Variants in BTAF1 observed in about 807,000 individuals in gnomAD.
BTAF1 encodes B-TFIID TATA-box binding protein associated factor 1, also known as TATA-binding protein-associated factor 172.
In BTAF1, 38 loss-of-function variants were observed where a neutral mutation model predicts 227.1. The ratio of observed to expected loss-of-function variants is 0.17; its 90% confidence interval spans 0.13 to 0.22. The LOEUF is 0.22. Ranked by LOEUF, BTAF1 falls within the 10% of genes least tolerant of loss-of-function variation. The pLI is 1.00. For missense variants in BTAF1, 1,598 were observed against 2,204.0 expected (o/e 0.73, Z 5.51); for synonymous variants, 742 against 751.9 (o/e 0.99, Z 0.21).
At chr10:91,997,374 A>C (rs995026856) in intron 24 of BTAF1, among the ~76,000 whole-genome samples, 1 of 152,252 alleles carries the variant, frequency 6.6e-6, no homozygotes, top group Non-Finnish European at 1.5e-5. Context: ...GAAGAAAAAC[A>C]TAATTTTATA....
At chr10:91,996,296 T>C in intron 23 of BTAF1, 73 bp from the exon 24 acceptor site, 1 of 1,344,730 alleles carries the variant, frequency 7.4e-7, no homozygotes, top group Admixed American at 1.9e-5. Context: ...CTTTCCTGAG[T>C]ATGGGCTATT....
intron 25 of BTAF1, among the ~76,000 whole-genome samples, chr10:91,998,863 CA>C (rs1849311662): frequency 6.6e-6 from 1 of 151,832 alleles, no homozygotes; most frequent in Non-Finnish European, 1.5e-5. Context: ...TTAGCCTGAC[CA>C]ACTGAAAATA....
chr10:92,011,462 T>C, intron 30 of BTAF1, 47 bp downstream of exon 30: 1 of 980,854 alleles, frequency 1.0e-6, no homozygotes, highest in Non-Finnish European at 1.3e-6. Flanking sequence ...TTTTTATTTT[T>C]CATGTTTGCC....
At chr10:91,982,984 C>T (rs1224347587) in intron 18 of BTAF1, among the ~76,000 whole-genome samples, 1 of 152,174 alleles carries the variant, frequency 6.6e-6, no homozygotes, top group East Asian at 1.9e-4. Flanking sequence ...ACTAGTTATG[C>T]TCATACTTAA....
intron 20 of BTAF1, among the ~76,000 whole-genome samples, chr10:91,990,729 G>A (rs112353409): frequency 5.9e-5 from 9 of 151,956 alleles, no homozygotes; most frequent in African/African-American, 2.2e-4. Flanking sequence ...GGAGGCGGAG[G>A]TTGCGGTGAG....
At chr10:91,942,189 C>CAGA (rs1368353112) in intron 3 of BTAF1, among the ~76,000 whole-genome samples, 1 of 151,950 alleles carries the variant, frequency 6.6e-6, no homozygotes, top group Non-Finnish European at 1.5e-5. Context: ...GAGGCTGAGG[C>CAGA]AGAAGAAGTC....
At chr10:92,019,186 C>A (rs1242746919) in intron 34 of BTAF1, among the ~76,000 whole-genome samples, 2 of 152,162 alleles carry the variant, frequency 1.3e-5, no homozygotes, top group African/African-American at 4.8e-5. Flanking sequence ...CATTATCTTA[C>A]TGCTAAAATA....
At chr10:91,929,405 A>G (rs768373770) in intron 1 of BTAF1, among the ~76,000 whole-genome samples, 14 of 152,244 alleles carry the variant, frequency 9.2e-5, no homozygotes, top group Non-Finnish European at 1.3e-4. Flanking sequence ...TTTCTCACAT[A>G]TCTTTGCATT....
chr10:91,972,122 G>C (rs1352627407), intron 14 of BTAF1, among the ~76,000 whole-genome samples: 3 of 152,100 alleles, frequency 2.0e-5, no homozygotes, highest in South Asian at 4.1e-4. Flanking sequence ...AGAAGGATTT[G>C]GGGGACCATA....
chr10:91,966,244 G>C (rs984024606), intron 13 of BTAF1, among the ~76,000 whole-genome samples: 2 of 152,208 alleles, frequency 1.3e-5, no homozygotes, highest in African/African-American at 2.4e-5. Flanking sequence ...GTTGGGGTTA[G>C]CCATGGGGAA....
chr10:91,927,101 A>T (rs542246949), intron 1 of BTAF1, among the ~76,000 whole-genome samples: 2 of 150,704 alleles, frequency 1.3e-5, no homozygotes, highest in South Asian at 4.2e-4. Context: ...GCCCCATCTC[A>T]GGTATGGCTA....
intron 35 of BTAF1, among the ~76,000 whole-genome samples, chr10:92,025,928 T>C (rs751279625): frequency 1.6e-4 from 25 of 152,286 alleles, no homozygotes; most frequent in Non-Finnish European, 3.4e-4. Context: ...CTGGCTCTGC[T>C]ATTTAAGCAG....
At position 91,967,340 on chromosome 10, in the gene BTAF1, A is replaced by G. The variant is rs531032176; in HGVS notation, c.1650+583A>G. On this transcript the variant is annotated intron_variant, in intron 14 of 37. Transcript: ENST00000265990. ...AAGCTTAGGAGTCCTTGCCCTGTTT[A>G]TAAAAGGCTTCACATTCCCATTTTT... Among the ~76,000 whole-genome samples the G allele has an allele frequency of 1.1e-4, 17 of 152,350 alleles. No individual in the cohort carries two copies. In the South Asian group the frequency reaches 1.5e-3, roughly 13 times the overall value.
At chr10:91,998,784 C>G (rs1207742992) in intron 25 of BTAF1, among the ~76,000 whole-genome samples, 1 of 152,072 alleles carries the variant, frequency 6.6e-6, no homozygotes, top group African/African-American at 2.4e-5. Context: ...GGTGAGGTGG[C>G]TCATGCCTGT....
intron 14 of BTAF1, among the ~76,000 whole-genome samples, chr10:91,971,092 T>A (rs1847265038): frequency 6.6e-6 from 1 of 152,228 alleles, no homozygotes; most frequent in Non-Finnish European, 1.5e-5. Context: ...TTGTGGTCCT[T>A]TTTTGTTGGA....
Position 92,005,021 on chromosome 10 carries a change from G to A in BTAF1, c.3661-3102G>A, listed in dbSNP as rs112005839. Among the ~76,000 whole-genome samples the A allele has an allele frequency of 3.7e-3, 561 of 152,234 alleles. 11 individuals are homozygous for A. Among genetic ancestry groups the A allele is most frequent in the African/African-American group, 0.012 (493 of 41,542 alleles). On this transcript the variant is annotated intron_variant, in intron 25 of 37. Transcript: ENST00000265990. ...AAGAGGCTGTCCTTTCCCCTTGTGT[G>A]TTCTTTTGTCAAAGATTAACTGTAA...
chr10:92,024,926 T>C lies in BTAF1; in HGVS notation c.5034T>C (p.Asp1678=), dbSNP rs770819874. ...CCTCTGTCACTTATTTGAGATTAGA[T>C]GGCAGCATACCTCCTGGTCAGAGGC... ...HLPSVTYLRL[D]GSIPPGQRHS... Residue 1678 remains aspartate, a synonymous_variant, in exon 35 of 38, where the codon GAT becomes GAC. Coordinates refer to ENST00000265990, the MANE Select transcript of BTAF1 (RefSeq NM_003972.3). 1.9e-6 allele frequency: 3 copies of C among 1,614,116 alleles called. No individual in the cohort carries two copies. Among genetic ancestry groups the C allele is most frequent in the Non-Finnish European group, 2.5e-6 (3 of 1,179,990 alleles).
intron 25 of BTAF1, among the ~76,000 whole-genome samples, chr10:92,001,946 C>CA (rs10561232): frequency 1.2e-3 from 103 of 84,892 alleles, no homozygotes; most frequent in Middle Eastern, 7.8e-3. Context: ...AACCCTGTCT[C>CA]AAAAAAAAAA....
intron 1 of BTAF1, among the ~76,000 whole-genome samples, chr10:91,928,936 C>G (rs771991302): frequency 6.6e-6 from 1 of 152,098 alleles, no homozygotes; most frequent in Non-Finnish European, 1.5e-5. Flanking sequence ...TCAGCCTCCC[C>G]AGTTGCTAGG....
Sources: allele counts gnomAD v4.1 joint callset (sites outside exome capture counted in the v4.1 genomes callset), GRCh38; gene constraint gnomAD v4.1.1; transcripts MANE v1.5; gene names NCBI Gene and HGNC (gene_info 2026-07-23, HGNC 2026-07-21).